The following NRG1 variants were observed in gnomAD, a reference collection of about 807,000 sequenced individuals.
NRG1 encodes neuregulin 1, also known as pro-neuregulin-1, membrane-bound isoform.
In NRG1, 18 loss-of-function variants were observed where a neutral mutation model predicts 63.8. The observed-to-expected ratio is 0.28, with a 90% CI of 0.19 to 0.42. The LOEUF (loss-of-function observed/expected upper bound fraction) is 0.42. Ranked by LOEUF, NRG1 falls within the 10% of genes least tolerant of loss-of-function variation. The pLI, the probability that NRG1 is intolerant of heterozygous loss-of-function variation, is 1.00. For missense variants in NRG1, 762 were observed against 814.7 expected, an observed-to-expected ratio of 0.94 and a Z score of 0.79; for synonymous variants, 302 against 301.3, an observed-to-expected ratio of 1.00 and a Z score of -0.02.
intron 1 of NRG1, among the ~76,000 whole-genome samples, chr8:32,522,899 G>C (rs1487167739): frequency 6.6e-6 from 1 of 150,570 alleles, no homozygotes; most frequent in Non-Finnish European, 1.5e-5. Context: ...TCAAACTCCT[G>C]GGCTCAGGTG....
At chr8:31,864,905 G>A (rs1458449777) in intron 1 of NRG1, among the ~76,000 whole-genome samples, 4 of 152,152 alleles carry the variant, frequency 2.6e-5, no homozygotes, top group African/African-American at 9.7e-5. Flanking sequence ...AGCCTGGAGA[G>A]TAGAGAGCAC....
intron 1 of NRG1, among the ~76,000 whole-genome samples, chr8:32,374,096 T>C (rs1809303806): frequency 6.6e-6 from 1 of 152,298 alleles, no homozygotes; most frequent in South Asian, 2.1e-4. Context: ...AACTTCACAA[T>C]GTAGAGATCA....
intron 7 of NRG1, among the ~76,000 whole-genome samples, chr8:32,746,355 C>T (rs568114528): frequency 6.6e-6 from 1 of 152,246 alleles, no homozygotes; most frequent in African/African-American, 2.4e-5. Context: ...AAAGTCAAGA[C>T]TTTAAGATTT....
chr8:32,179,063 C>G (rs887571095), intron 1 of NRG1, among the ~76,000 whole-genome samples: 16 of 151,994 alleles, frequency 1.1e-4, no homozygotes, highest in Non-Finnish European at 2.2e-4. Context: ...ATTTCAGACT[C>G]ATTACTCAAA....
chr8:32,186,425 C>G (rs886402366), intron 1 of NRG1, among the ~76,000 whole-genome samples: 2 of 149,884 alleles, frequency 1.3e-5, no homozygotes, highest in Admixed American at 6.7e-5. Flanking sequence ...GGCGCCACTG[C>G]CCTCCAGCCT....
intron 1 of NRG1, among the ~76,000 whole-genome samples, chr8:32,137,514 T>C (rs1835702205): frequency 6.6e-6 from 1 of 152,082 alleles, no homozygotes; most frequent in Non-Finnish European, 1.5e-5. Context: ...ATAAAGCAAT[T>C]TAATGTAGAT....
chr8:32,745,010 T>C (rs946205038), intron 7 of NRG1, among the ~76,000 whole-genome samples: 1 of 152,188 alleles, frequency 6.6e-6, no homozygotes, highest in African/African-American at 2.4e-5. Context: ...TTATGAACAA[T>C]ATATGTAATG....
chr8:32,410,355 A>AT (rs371351374), intron 1 of NRG1, among the ~76,000 whole-genome samples: 208 of 151,098 alleles, frequency 1.4e-3, no homozygotes, highest in Admixed American at 1.8e-3. Context: ...TAATTTTTGC[A>AT]TTTTTTGTAG....
At position 32,598,234 on chromosome 8, in the gene NRG1, G is replaced by A. The variant is rs2129538098; in HGVS notation, c.278+2229G>A. 1.3e-5 allele frequency among the ~76,000 whole-genome samples: 2 copies of A among 152,078 alleles called. 1 individual carries two copies. Among genetic ancestry groups the A allele is most frequent in the Non-Finnish European group, 2.9e-5 (2 of 67,958 alleles). On this transcript the variant is annotated intron_variant, in intron 2 of 11. Coordinates refer to ENST00000356819, the Ensembl canonical transcript of NRG1. ...TTTGGAAGTTATGTATTGAAACACTGTTAGAGCAGGGGAGGAGGAAGGGAG... is the reference window on the plus strand; with the variant it reads ...TTTGGAAGTTATGTATTGAAACACTATTAGAGCAGGGGAGGAGGAAGGGAG...
intron 1 of NRG1, among the ~76,000 whole-genome samples, chr8:31,971,724 C>A (rs1415162661): frequency 6.6e-6 from 1 of 151,762 alleles, no homozygotes; most frequent in Admixed American, 6.6e-5. Context: ...TAAAAAAAAA[C>A]AAAAACCTTG....
intron 1 of NRG1, among the ~76,000 whole-genome samples, chr8:31,980,936 G>A (rs187333966): frequency 7.2e-5 from 11 of 152,068 alleles, no homozygotes; most frequent in African/African-American, 2.4e-4. Flanking sequence ...AGTAGCAATC[G>A]AGGAATGACT....
chr8:32,640,503 G>C (rs1852154575), intron 5 of NRG1, among the ~76,000 whole-genome samples: 1 of 151,908 alleles, frequency 6.6e-6, no homozygotes, highest in Admixed American at 6.6e-5. Context: ...TGACATTCTG[G>C]TATTGAGTTT....
At chr8:32,381,295 T>C (rs1426566792) in intron 1 of NRG1, among the ~76,000 whole-genome samples, 3 of 152,222 alleles carry the variant, frequency 2.0e-5, no homozygotes, top group Admixed American at 2.0e-4. Context: ...AAAATAACTT[T>C]TACTCTGAAA....
intron 1 of NRG1, among the ~76,000 whole-genome samples, chr8:31,801,114 T>TG (rs1484859287): frequency 6.6e-6 from 1 of 152,022 alleles, no homozygotes; most frequent in Non-Finnish European, 1.5e-5. Context: ...CCCAAAGTGC[T>TG]GGGGTTACAA....
At chr8:32,148,445 C>T (rs1183648720) in intron 1 of NRG1, among the ~76,000 whole-genome samples, 1 of 152,296 alleles carries the variant, frequency 6.6e-6, no homozygotes, top group East Asian at 1.9e-4. Context: ...GTTGCTCAGG[C>T]TGGAGTGCAG....
chr8:31,722,050 A>G (rs1350963070), intron 1 of NRG1, among the ~76,000 whole-genome samples: 1 of 152,028 alleles, frequency 6.6e-6, no homozygotes, highest in Admixed American at 6.6e-5. Context: ...GTCAAACCTG[A>G]TTAGTCATTC....
rs766946125 is a variant in NRG1 at position 31,693,016 on chromosome 8, GT to G, written c.37+53588del. Among the ~76,000 whole-genome samples the G allele has an allele frequency of 3.3e-5, 5 of 152,182 alleles. No individual in the cohort carries two copies. In the South Asian group the frequency reaches 1.0e-3, roughly 32 times the overall value. On this transcript the variant is annotated intron_variant, in intron 1 of 10. Coordinates refer to the NRG1 transcript ENST00000519301. Reference sequence around the variant, plus strand: ...GGGAAGTTATGCAAAGCTTATTATTGTTTCTTGTGTTTATTTTGGGTGCTGA... The same window carrying G: ...GGGAAGTTATGCAAAGCTTATTATTGTTCTTGTGTTTATTTTGGGTGCTGA...
chr8:31,807,135 G>A (rs1463620211), intron 1 of NRG1, among the ~76,000 whole-genome samples: 1 of 152,184 alleles, frequency 6.6e-6, no homozygotes, highest in Non-Finnish European at 1.5e-5. Context: ...TTGGGAAATA[G>A]GAAATGAAGG....
At chr8:32,037,745 T>A (rs1819302991) in intron 1 of NRG1, among the ~76,000 whole-genome samples, 1 of 152,170 alleles carries the variant, frequency 6.6e-6, no homozygotes, top group African/African-American at 2.4e-5. Flanking sequence ...GGGGAATTGC[T>A]CCCGTTCCAA....
Sources: gnomAD v4.1 joint callset for allele counts (sites outside exome capture counted in the v4.1 genomes callset) on GRCh38, gnomAD v4.1.1 for gene constraint, MANE v1.5 for transcripts, NCBI Gene and HGNC (gene_info 2026-07-23, HGNC 2026-07-21) for gene names.